The following ASAP1 variants were observed in gnomAD, a reference collection of about 807,000 sequenced individuals.
ASAP1 encodes ArfGAP with SH3 domain, ankyrin repeat and PH domain 1, also known as arf-GAP with SH3 domain, ANK repeat and PH domain-containing protein 1.
In ASAP1, 43 loss-of-function variants were observed where a neutral mutation model predicts 145.2. That is an observed-to-expected ratio of 0.30 (90% CI 0.23 to 0.38). ASAP1 has a LOEUF of 0.38. ASAP1 is among the 10% of genes least tolerant of loss of function. The pLI is 1.00. For synonymous variants in ASAP1, 546 were observed against 515.5 expected (o/e 1.06, Z -0.80); for missense variants, 1,018 against 1,355.3 (o/e 0.75, Z 3.91).
In ASAP1 at chr8:130,300,153, C is replaced by CACACACACAGAGAGAG. The variant is rs1196584279; in HGVS notation, c.186+57863_186+57864insCTCTCTCTGTGTGTGT. Among the ~76,000 whole-genome samples the CACACACACAGAGAGAG allele has an allele frequency of 1.4e-4, 11 of 76,926 alleles. No individual in the cohort carries two copies. In the East Asian group the frequency reaches 1.9e-3, roughly 14 times the overall value. 50.5% of individuals were successfully genotyped at this position (76,926 alleles called of 152,430 possible). A position where few individuals can be genotyped will look rare whatever the true frequency, so the allele number is the denominator to read the frequency against. On this transcript the variant is annotated intron_variant, in intron 3 of 29. Coordinates refer to ENST00000518721, the MANE Select transcript of ASAP1 (RefSeq NM_018482.4). ...ACACACACACACACACACACACACA[C>CACACACACAGAGAGAG]AGAGAGAGAGAGAGAGAGAGAGAGA...
intron 2 of ASAP1, among the ~76,000 whole-genome samples, chr8:130,376,098 T>G (rs16904258): frequency 0.017 from 2,524 of 152,316 alleles, 73 homozygotes; most frequent in African/African-American, 0.057. Flanking sequence ...GGCTCCCAGA[T>G]GCACATACTA....
chr8:130,207,064 T>TA (rs1377194733), intron 5 of ASAP1, among the ~76,000 whole-genome samples: 1 of 152,216 alleles, frequency 6.6e-6, no homozygotes, highest in East Asian at 1.9e-4. Context: ...TAGAAACAGC[T>TA]AAAACTCAAG....
intron 24 of ASAP1, among the ~76,000 whole-genome samples, chr8:130,106,378 C>A (rs1228781479): frequency 2.0e-5 from 3 of 152,168 alleles, no homozygotes; most frequent in African/African-American, 7.2e-5. Flanking sequence ...CTGAATCATG[C>A]AGTAGTGTAC....
At chr8:130,357,931 C>G in intron 3 of ASAP1, 86 bp downstream of exon 3, 2 of 1,495,800 alleles carry the variant, frequency 1.3e-6, no homozygotes, top group South Asian at 1.2e-5. Context: ...CCCCCGCGTC[C>G]CCTTCCTCCC....
intron 3 of ASAP1, among the ~76,000 whole-genome samples, chr8:130,248,840 C>T (rs192807475): frequency 1.6e-4 from 24 of 152,270 alleles, no homozygotes; most frequent in African/African-American, 5.1e-4. Flanking sequence ...GATGTTCACC[C>T]GGACACCAAA....
rs557458521 is a variant in ASAP1 at position 130,067,959 on chromosome 8, G to C, written c.2702-6890C>G. On this transcript the variant is annotated intron_variant, in intron 27 of 29. Coordinates refer to ENST00000518721, the MANE Select transcript of ASAP1 (RefSeq NM_018482.4). ...GGTATCAGCGAAGCAGGATTTGTTG[G>C]AACAGCTCTGACTCACAGAAACATG... 1.4e-4 allele frequency among the ~76,000 whole-genome samples: 21 copies of C among 152,252 alleles called. No homozygotes were observed. The South Asian group carries it at 3.5e-3, about 26-fold the overall frequency.
chr8:130,356,459 G>A (rs1388930354), intron 3 of ASAP1, among the ~76,000 whole-genome samples: 33 of 152,068 alleles, frequency 2.2e-4, no homozygotes, highest in Admixed American at 2.2e-3. Flanking sequence ...GTGAAAGACA[G>A]ACCCATGATG....
chr8:130,231,079 T>C (rs1462204874), intron 4 of ASAP1, among the ~76,000 whole-genome samples: 1 of 152,244 alleles, frequency 6.6e-6, no homozygotes. Context: ...TTTAGTACTT[T>C]ACCTTTAAAA....
chr8:130,145,548 A>G (rs1371913683), intron 13 of ASAP1, among the ~76,000 whole-genome samples: 1 of 152,128 alleles, frequency 6.6e-6, no homozygotes. Context: ...TGAACTCATG[A>G]CCTCATGAAT....
intron 3 of ASAP1, among the ~76,000 whole-genome samples, chr8:130,328,178 G>T (rs1824456230): frequency 6.6e-6 from 1 of 151,950 alleles, no homozygotes; most frequent in South Asian, 2.1e-4. Flanking sequence ...TGTGAAACTG[G>T]TACTAAATGA....
chr8:130,439,749 A>G (rs72726231), intron 1 of ASAP1, among the ~76,000 whole-genome samples: 5,279 of 152,322 alleles, frequency 0.035, 125 homozygotes, highest in Middle Eastern at 0.082. Context: ...CAGGGGGAAG[A>G]ACGTAAGCAG....
intron 3 of ASAP1, among the ~76,000 whole-genome samples, chr8:130,277,910 C>T (rs1757923848): frequency 1.3e-5 from 2 of 152,128 alleles, no homozygotes; most frequent in Admixed American, 1.3e-4. Context: ...TAGAGAGTGG[C>T]AGGGAGCCTC....
intron 3 of ASAP1, among the ~76,000 whole-genome samples, chr8:130,242,402 A>G (rs1030166374): frequency 6.6e-6 from 1 of 151,860 alleles, no homozygotes; most frequent in African/African-American, 2.4e-5. Context: ...TTGTCCCATA[A>G]TCGCCACAAG....
intron 24 of ASAP1, among the ~76,000 whole-genome samples, chr8:130,107,268 C>T (rs893147371): frequency 1.6e-4 from 24 of 150,144 alleles, no homozygotes; most frequent in South Asian, 4.2e-4. Flanking sequence ...CTGCAAGCTC[C>T]GCTTCCCGGG....
At chr8:130,301,971 G>A (rs1822699389) in intron 3 of ASAP1, among the ~76,000 whole-genome samples, 1 of 152,224 alleles carries the variant, frequency 6.6e-6, no homozygotes, top group South Asian at 2.1e-4. Context: ...TGGCAGGGGT[G>A]TCCCCAAAAT....
chr8:130,181,123 A>G (rs1315596523), intron 7 of ASAP1, among the ~76,000 whole-genome samples: 3 of 152,104 alleles, frequency 2.0e-5, no homozygotes, highest in Non-Finnish European at 4.4e-5. Flanking sequence ...GTCTACTAAA[A>G]ACAAACCACA....
chr8:130,137,169 A>G, intron 13 of ASAP1, 131 bp from the exon 14 acceptor site: 1 of 748,972 alleles, frequency 1.3e-6, no homozygotes, highest in Non-Finnish European at 2.3e-6. Flanking sequence ...TTCAGCAAAG[A>G]AGAAACAGAC....
At chr8:130,072,007 TCTCTTGCC>T (rs2097447648) in intron 27 of ASAP1, among the ~76,000 whole-genome samples, 1 of 152,342 alleles carries the variant, frequency 6.6e-6, no homozygotes, top group East Asian at 1.9e-4. Context: ...CCCCTGACCT[TCTCTTGCC>T]CTCTTATTAC....
intron 3 of ASAP1, among the ~76,000 whole-genome samples, chr8:130,282,026 C>G (rs1266920711): frequency 6.6e-6 from 1 of 150,672 alleles, no homozygotes; most frequent in African/African-American, 2.4e-5. Context: ...AAGATCATGA[C>G]CGATTACACT....
Sources: allele counts gnomAD v4.1 joint callset (sites outside exome capture counted in the v4.1 genomes callset), GRCh38; gene constraint gnomAD v4.1.1; transcripts MANE v1.5; gene names NCBI Gene and HGNC (gene_info 2026-07-23, HGNC 2026-07-21).